The following SEMA4B variants were observed in gnomAD, a reference collection of about 807,000 sequenced individuals.
SEMA4B encodes the protein semaphorin 4B, also known as semaphorin-4B.
Under a neutral mutation model 88.1 loss-of-function variants are expected in SEMA4B, and 55 were observed. The ratio of observed to expected loss-of-function variants is 0.62; its 90% confidence interval spans 0.50 to 0.78. The LOEUF is 0.78. Ranked by LOEUF, SEMA4B falls within the 30% of genes least tolerant of loss-of-function variation. The pLI is 0.00. For synonymous variants in SEMA4B, 525 were observed against 473.6 expected, an observed-to-expected ratio of 1.11 and a Z score of -1.41; for missense variants, 1,062 against 1,111.9, an observed-to-expected ratio of 0.96 and a Z score of 0.64.
At chr15:90,185,262 T>G (rs79412573) in intron 1 of SEMA4B, among the ~76,000 whole-genome samples, 86 of 152,328 alleles carry the variant, frequency 5.6e-4, no homozygotes, top group African/African-American at 1.9e-3. Context: ...CCGGGGAGCC[T>G]GTTGCCATGG....
intron 1 of SEMA4B, among the ~76,000 whole-genome samples, chr15:90,189,219 G>C (rs909706489): frequency 3.3e-5 from 5 of 152,116 alleles, no homozygotes; most frequent in African/African-American, 1.2e-4. Flanking sequence ...AGGTAGGAAG[G>C]AGGGAGGGAA....
Position 90,212,806 on chromosome 15 carries a change from C to T in SEMA4B, c.158-4633C>T, listed in dbSNP as rs553343437. ...GCGCCCACAACACGAGCCTGTGACA[C>T]GCAAGTCTCTGTTTCTGAGCTGATG... On this transcript the variant is annotated intron_variant, in intron 1 of 13. Transcript: ENST00000411539. This position sits in a 1 kb window ranked among gnomAD's most constrained non-coding sequence, Gnocchi z 4.0. Among the ~76,000 whole-genome samples the T allele has an allele frequency of 3.3e-5, 5 of 152,192 alleles. No individual in the cohort carries two copies. Among genetic ancestry groups the T allele is most frequent in the African/African-American group, 7.2e-5 (3 of 41,450 alleles).
At chr15:90,196,603 C>G (rs866661891), upstream of SEMA4B, among the ~76,000 whole-genome samples, 3 of 152,168 alleles carry the variant, frequency 2.0e-5, no homozygotes, top group Non-Finnish European at 4.4e-5. Context: ...TCTCCTGCCT[C>G]AGCCTCCCGA....
At chr15:90,202,178 TG>T (rs1960778213) in intron 1 of SEMA4B, among the ~76,000 whole-genome samples, 1 of 152,230 alleles carries the variant, frequency 6.6e-6, no homozygotes, top group South Asian at 2.1e-4. Context: ...GGAGCTGTGG[TG>T]GGCGGGCAGG....
At chr15:90,220,745 A>AGGCAGTGTGGCACTGTGT (rs141864273) in intron 4 of SEMA4B, among the ~76,000 whole-genome samples, 23,579 of 151,760 alleles carry the variant, frequency 0.16, 2,660 homozygotes, top group East Asian at 0.62. Context: ...GGTCACTGTG[A>AGGCAGTGTGGCACTGTGT]GGCAGTGTGG....
In SEMA4B at chr15:90,229,547, G is replaced by T. The variant is rs1351379317; in HGVS notation, c.*904G>T. 2.6e-6 allele frequency: 1 copy of T among 385,778 alleles called. No individual in the cohort carries two copies. Among genetic ancestry groups the T allele is most frequent in the Non-Finnish European group, 5.2e-6 (1 of 191,346 alleles). The allele number at this position is 385,778 out of a possible 1,614,324, so 23.9% of individuals were successfully genotyped here. ...CATCCCTCACCTTCCTCCACTCTAA[G>T]GGATATCAACACTGCCCAGCACAGG... On this transcript the variant is annotated 3_prime_UTR_variant, in exon 14 of 14. Coordinates refer to ENST00000411539, the MANE Select transcript of SEMA4B (RefSeq NM_198925.4).
intron 1 of SEMA4B, among the ~76,000 whole-genome samples, chr15:90,204,884 T>A (rs1220334105): frequency 6.6e-6 from 1 of 152,182 alleles, no homozygotes; most frequent in Non-Finnish European, 1.5e-5. Flanking sequence ...CAAGTGATTC[T>A]CCTGCCTCAG....
chr15:90,225,133 G>A lies in SEMA4B; in HGVS notation c.1360G>A (p.Val454Ile), dbSNP rs539178568. 69 of 1,612,962 alleles carry A rather than the reference G, an allele frequency of 4.3e-5. No homozygotes were observed. The highest frequency in any genetic ancestry group is 2.0e-4 in the Admixed American group (12 of 59,882). Residue 454 changes from valine (V) to isoleucine (I), a missense_variant, in exon 10 of 14, where the codon GTC (valine) becomes ATC (isoleucine). By Grantham distance (29) the Val-to-Ile change is conservative (BLOSUM62 3). Transcript: ENST00000411539. ...CTACCAGCGCGTGGCTGTACACCGC[G>A]TCCCTGGCCTGCACCACACCTACGA... ...ARYQRVAVHR[V>I]PGLHHTYDVL...
rs67328606 is a variant in SEMA4B, at chr15:90,192,586, C to CTTT, written c.-122+7524_-122+7526dup. Among the ~76,000 whole-genome samples the CTTT allele has an allele frequency of 8.8e-3, 781 of 88,654 alleles. 26 individuals carry two copies. Among genetic ancestry groups the CTTT allele is most frequent in the African/African-American group, 0.032 (704 of 21,832 alleles). The allele number at this position is 88,654 out of a possible 152,430, so 58.2% of individuals were successfully genotyped here. A position where few individuals can be genotyped will look rare whatever the true frequency, so the allele number is the denominator to read the frequency against. ...TCCCTTTATTTTCTTTCCCTTGTAG[C>CTTT]TTTTTTTTTTTTTTTTTTTTTGAGA... is the stretch of plus-strand genomic sequence containing the variant. On this transcript the variant is annotated intron_variant, in intron 1 of 14. Coordinates refer to the SEMA4B transcript ENST00000332496.
intron 13 of SEMA4B, 116 bp from the exon 14 acceptor site, chr15:90,227,788 G>A: frequency 6.6e-7 from 1 of 1,516,422 alleles, no homozygotes; most frequent in Non-Finnish European, 8.9e-7. Context: ...CTCAGTCCCA[G>A]GGGTCCCCGG....
chr15:90,200,336 A>G (rs745689831), upstream of SEMA4B, among the ~76,000 whole-genome samples: 1 of 152,056 alleles, frequency 6.6e-6, no homozygotes, highest in Middle Eastern at 3.2e-3. Flanking sequence ...AGAGGCTTTC[A>G]CTCTTTTGGA....
intron 1 of SEMA4B, among the ~76,000 whole-genome samples, chr15:90,205,506 G>C (rs1488261096): frequency 1.3e-5 from 2 of 152,242 alleles, no homozygotes; most frequent in African/African-American, 4.8e-5. Flanking sequence ...ACAACCTTGG[G>C]CAAGCTCCTG....
Position 90,225,473 on chromosome 15 carries a change from G to A in SEMA4B, c.1521+76G>A, listed in dbSNP as rs562722490. 211 of 1,391,034 alleles carry A rather than the reference G, an allele frequency of 1.5e-4. No individual in the cohort carries two copies. In the Middle Eastern group the frequency reaches 2.5e-3, roughly 16 times the overall value. The allele number at this position is 1,391,034 out of a possible 1,614,324, so 86.2% of individuals were successfully genotyped here. The stretch of plus-strand genomic sequence containing the variant: ...ATTAGCACCAAGCAGTCCCCACCCA[G>A]CTTCTCCTCCCTTGCCTCAGGAGGA... On this transcript the variant is annotated intron_variant, in intron 11 of 13. Coordinates refer to ENST00000411539, the MANE Select transcript of SEMA4B (RefSeq NM_198925.4).
chr15:90,201,496 A>G lies in SEMA4B; in HGVS notation c.-83A>G. 2 of 1,312,248 alleles carry G rather than the reference A, an allele frequency of 1.5e-6. No individual in the cohort carries two copies. The highest frequency in any genetic ancestry group is 9.7e-7 in the Non-Finnish European group (1 of 1,033,920). The allele number at this position is 1,312,248 out of a possible 1,614,324, so 81.3% of individuals were successfully genotyped here. A position where few individuals can be genotyped will look rare whatever the true frequency, so the allele number is the denominator to read the frequency against. ...GGCCCCCGGGGCGACTCGGGGGCGG[A>G]CCGCGGGGCGGAGCTGCCGCCCGTG... On this transcript the variant is annotated 5_prime_UTR_variant, in exon 1 of 14. Transcript: ENST00000411539.
At chr15:90,217,741 C>T in intron 2 of SEMA4B, 26 bp from the exon 3 acceptor site, 1 of 1,612,274 alleles carries the variant, frequency 6.2e-7, no homozygotes, top group Non-Finnish European at 8.5e-7. Flanking sequence ...ATTTTGTCCA[C>T]TACCTTCCCC....
Position 90,223,970 on chromosome 15 carries a change from C to A in SEMA4B, c.1176C>A (p.Pro392=). The A allele has an allele frequency of 6.2e-7, 1 of 1,613,160 alleles. No individual in the cohort carries two copies. Among genetic ancestry groups the A allele is most frequent in the South Asian group, 1.1e-5 (1 of 91,068 alleles). Residue 392 remains proline, a synonymous_variant, in exon 9 of 14, where the codon CCC becomes CCA. Coordinates refer to ENST00000411539, the MANE Select transcript of SEMA4B (RefSeq NM_198925.4). ...GGTACACCGTGACCCACCCGGTGCC[C>A]ACACCCCGGCCTGGAGCGGTGGGTA... ...QQWYTVTHPV[P]TPRPGACITN...
chr15:90,225,825 C>G lies in SEMA4B; in HGVS notation c.1686C>G (p.Thr562=). ...GCCTCTACCAGCCTCAGCTGGCCAC[C>G]AGGTGAGCACTCCCAAAGGCCCCTT... ...HVSLYQPQLA[T]RPWIQDIEGA... Residue 562 remains threonine, a splice_region_variant and synonymous_variant, in exon 12 of 14, where the codon ACC becomes ACG. Coordinates refer to ENST00000411539, the MANE Select transcript of SEMA4B (RefSeq NM_198925.4). The G allele has an allele frequency of 6.6e-7, 1 of 1,522,516 alleles. No individual in the cohort carries two copies. The highest frequency in any genetic ancestry group is 8.8e-7 in the Non-Finnish European group (1 of 1,135,856). The allele number at this position is 1,522,516 out of a possible 1,614,324, so 94.3% of individuals were successfully genotyped here. A position where few individuals can be genotyped will look rare whatever the true frequency, so the allele number is the denominator to read the frequency against.
At chr15:90,199,526 A>G (rs569637384), upstream of SEMA4B, among the ~76,000 whole-genome samples, 20 of 152,154 alleles carry the variant, frequency 1.3e-4, 1 homozygote, top group South Asian at 3.9e-3. Context: ...CAGACAGCCA[A>G]GTAGAAATAT....
chr15:90,219,552 C>A, intron 3 of SEMA4B: 1 of 518,182 alleles, frequency 1.9e-6, no homozygotes, highest in Non-Finnish European at 3.4e-6. Flanking sequence ...ACCCCTAGGC[C>A]GAAGGAAAGT....
Sources: gnomAD v4.1 joint callset for allele counts (sites outside exome capture counted in the v4.1 genomes callset) on GRCh38, gnomAD v4.1.1 for gene constraint, Gnocchi (gnomAD v3.1) non-coding constraint, MANE v1.5 for transcripts, NCBI Gene and HGNC (gene_info 2026-07-23, HGNC 2026-07-21) for gene names.